Variants in DTD1 observed in about 807,000 individuals in gnomAD.
DTD1 encodes D-tyrosyl-tRNA deacylase 1 homolog.
In DTD1, 13 loss-of-function variants were observed where a neutral mutation model predicts 25.6. That is an observed-to-expected ratio of 0.51 (90% CI 0.33 to 0.81). The LOEUF (loss-of-function observed/expected upper bound fraction) is 0.81. Ranked by LOEUF, DTD1 falls within the 30% of genes least tolerant of loss-of-function variation. The probability of loss-of-function intolerance (pLI) is 0.02; values close to 1 mark genes in which losing one functional copy is unlikely to be tolerated. For synonymous variants in DTD1, 110 were observed against 103.6 expected (o/e 1.06, Z -0.37); for missense variants, 193 against 266.4 (o/e 0.72, Z 1.92).
At chr20:18,711,630 G>A (rs1462198549) in intron 4 of DTD1, among the ~76,000 whole-genome samples, 1 of 152,142 alleles carries the variant, frequency 6.6e-6, no homozygotes. Context: ...ATGATCTGGT[G>A]TAGGTTTTTT....
At chr20:18,713,567 T>A (rs2122481639) in intron 4 of DTD1, among the ~76,000 whole-genome samples, 1 of 152,308 alleles carries the variant, frequency 6.6e-6, no homozygotes, top group Non-Finnish European at 1.5e-5. Flanking sequence ...AGAAAAGGAT[T>A]TGGAGGATCC....
chr20:18,745,319 A>T (rs760445721), intron 5 of DTD1, among the ~76,000 whole-genome samples: 1 of 152,144 alleles, frequency 6.6e-6, no homozygotes, highest in Non-Finnish European at 1.5e-5. Flanking sequence ...CGGCCATCTG[A>T]TGGCACTGTG....
chr20:18,645,683 G>T (rs1318573402), intron 4 of DTD1, among the ~76,000 whole-genome samples: 1 of 152,202 alleles, frequency 6.6e-6, no homozygotes, highest in African/African-American at 2.4e-5. Flanking sequence ...TTGCAGAAAT[G>T]TGGCATTCAT....
intron 4 of DTD1, among the ~76,000 whole-genome samples, chr20:18,634,998 G>A (rs1216183999): frequency 6.6e-6 from 1 of 152,174 alleles, no homozygotes; most frequent in African/African-American, 2.4e-5. Flanking sequence ...TCTCTTCATG[G>A]AAGAACAGTT....
intron 4 of DTD1, chr20:18,674,380 T>C (rs1202871512): frequency 6.6e-6 from 1 of 152,216 alleles, no homozygotes; most frequent in Non-Finnish European, 1.5e-5. Context: ...TCACTTAAAA[T>C]ATGGTCACGA....
chr20:18,735,873 CT>C (rs757542404), intron 4 of DTD1, among the ~76,000 whole-genome samples: 79 of 152,110 alleles, frequency 5.2e-4, no homozygotes, highest in Non-Finnish European at 9.1e-4. Context: ...GTGTCCAACC[CT>C]TTGGATTTAA....
rs2061371410 is a variant in DTD1 at position 18,763,629 on chromosome 20, TG to T, written c.*290del. ...TCGTGCCTCCCCCACAGAAAGGCTT[TG>T]TTGGTTTCTACCACATCTTGGCTTG... On this transcript the variant is annotated 3_prime_UTR_variant, in exon 6 of 6. Coordinates refer to ENST00000377452, the MANE Select transcript of DTD1 (RefSeq NM_080820.6). The T allele has an allele frequency of 6.5e-6, 1 of 152,702 alleles. No individual in the cohort carries two copies. Among genetic ancestry groups the T allele is most frequent in the Admixed American group, 6.5e-5 (1 of 15,288 alleles). 9.5% of individuals were successfully genotyped at this position (152,702 alleles called of 1,614,324 possible).
At chr20:18,659,069 A>G (rs1321567263) in intron 4 of DTD1, among the ~76,000 whole-genome samples, 1 of 152,222 alleles carries the variant, frequency 6.6e-6, no homozygotes, top group East Asian at 1.9e-4. Context: ...TGAATTCTTA[A>G]AAAAAAGAAA....
At chr20:18,744,768 C>T (rs1369080955) in intron 5 of DTD1, among the ~76,000 whole-genome samples, 1 of 152,010 alleles carries the variant, frequency 6.6e-6, no homozygotes, top group African/African-American at 2.4e-5. Flanking sequence ...TCCCACCAGG[C>T]CCCTCATCTT....
intron 3 of DTD1, among the ~76,000 whole-genome samples, chr20:18,606,802 A>C (rs2122267322): frequency 7.2e-6 from 1 of 139,530 alleles, no homozygotes; most frequent in Middle Eastern, 3.5e-3. Context: ...GGGGAGGGAT[A>C]GCATTGGAAG....
chr20:18,723,101 A>G (rs1225733761), intron 4 of DTD1, among the ~76,000 whole-genome samples: 1 of 152,206 alleles, frequency 6.6e-6, no homozygotes, highest in Non-Finnish European at 1.5e-5. Context: ...CACTCTTGCC[A>G]TTCTGGGGCA....
intron 1 of DTD1, 52 bp downstream of exon 1, chr20:18,588,167 C>T: frequency 8.1e-7 from 1 of 1,227,036 alleles, no homozygotes; most frequent in Non-Finnish European, 1.0e-6. Context: ...CCCCCGCGAC[C>T]GGCTGTCTTG....
At chr20:18,727,894 C>T (rs1037273140) in intron 4 of DTD1, among the ~76,000 whole-genome samples, 27 of 152,160 alleles carry the variant, frequency 1.8e-4, no homozygotes, top group African/African-American at 5.8e-4. Flanking sequence ...ACCCACCTAG[C>T]GGTGGATGGG....
chr20:18,751,964 A>C (rs990146211), intron 5 of DTD1, among the ~76,000 whole-genome samples: 11 of 152,206 alleles, frequency 7.2e-5, no homozygotes, highest in African/African-American at 2.6e-4. Flanking sequence ...ATGAGAGAAA[A>C]AGAAATATTT....
intron 5 of DTD1, among the ~76,000 whole-genome samples, chr20:18,750,420 C>T (rs915852849): frequency 1.3e-5 from 2 of 152,142 alleles, no homozygotes; most frequent in African/African-American, 4.8e-5. Flanking sequence ...TCTTTAAATA[C>T]AGAAAGAGCC....
At chr20:18,747,055 G>A (rs2122525178) in intron 5 of DTD1, among the ~76,000 whole-genome samples, 1 of 152,330 alleles carries the variant, frequency 6.6e-6, no homozygotes, top group South Asian at 2.1e-4. Flanking sequence ...ACTTTTGTTA[G>A]TGGTCAGTTT....
intron 3 of DTD1, among the ~76,000 whole-genome samples, chr20:18,618,672 T>TACACACAC (rs751474809): frequency 0.09 from 11,703 of 130,278 alleles, 587 homozygotes; most frequent in South Asian, 0.12. Context: ...CATAATTTTA[T>TACACACAC]ACACACACAC....
chr20:18,752,566 C>T (rs1429376977), intron 5 of DTD1, among the ~76,000 whole-genome samples: 1 of 152,142 alleles, frequency 6.6e-6, no homozygotes, highest in Non-Finnish European at 1.5e-5. Context: ...TCTCTGCTTA[C>T]ATTACCTATC....
At chr20:18,590,257 A>G (rs1568637598) in intron 1 of DTD1, among the ~76,000 whole-genome samples, 3 of 152,178 alleles carry the variant, frequency 2.0e-5, no homozygotes, top group East Asian at 1.9e-4. Flanking sequence ...AGCTTACTAC[A>G]ACCTCAAACG....
Sources: gnomAD v4.1 joint callset for allele counts (sites outside exome capture counted in the v4.1 genomes callset) on GRCh38, gnomAD v4.1.1 for gene constraint, MANE v1.5 for transcripts, NCBI Gene and HGNC (gene_info 2026-07-23, HGNC 2026-07-21) for gene names.